Variants in DYRK1A observed in about 807,000 individuals in gnomAD.
The protein encoded by DYRK1A is dual specificity tyrosine phosphorylation regulated kinase 1A, also known as dual specificity tyrosine-phosphorylation-regulated kinase 1A.
In DYRK1A, 9 loss-of-function variants were observed where a neutral mutation model predicts 79.7. The observed-to-expected ratio is 0.11, with a 90% CI of 0.07 to 0.20. DYRK1A has a LOEUF of 0.20. DYRK1A is among the 10% of genes least tolerant of loss of function. The probability of loss-of-function intolerance (pLI) is 1.00; values close to 1 mark genes in which losing one functional copy is unlikely to be tolerated. For missense variants in DYRK1A, 622 were observed against 956.0 expected (o/e 0.65, Z 4.61); for synonymous variants, 349 against 329.7 (o/e 1.06, Z -0.63).
At chr21:37,478,988 C>CT (rs933636991) in intron 4 of DYRK1A, among the ~76,000 whole-genome samples, 1 of 152,210 alleles carries the variant, frequency 6.6e-6, no homozygotes, top group Non-Finnish European at 1.5e-5. Context: ...GGCTTCAACT[C>CT]TGTCTCCAAA....
chr21:37,469,095 A>G (rs1161792516), intron 2 of DYRK1A, among the ~76,000 whole-genome samples: 4 of 152,252 alleles, frequency 2.6e-5, no homozygotes, highest in African/African-American at 9.6e-5. Context: ...ATGCAAATTA[A>G]AAACCACATT....
chr21:37,499,131 T>C (rs1007044793), intron 9 of DYRK1A, among the ~76,000 whole-genome samples: 1 of 152,218 alleles, frequency 6.6e-6, no homozygotes, highest in African/African-American at 2.4e-5. Flanking sequence ...AAGTTGTATT[T>C]GTCAACTTTT....
rs78414939 is a variant in DYRK1A at position 37,460,893 on chromosome 21, G to A, written c.11-11791G>A. Among the ~76,000 whole-genome samples, 1,379 of 152,140 alleles carry A rather than the reference G, an allele frequency of 9.1e-3. 19 individuals carry two copies. Among genetic ancestry groups the A allele is most frequent in the African/African-American group, 0.032 (1,323 of 41,496 alleles). On this transcript the variant is annotated intron_variant, in intron 2 of 11. Transcript: ENST00000647188. Reference sequence around the variant, plus strand: ...AAATATAAATTTACCCATATTATATGTTATCCTCTGTACAATATGATAATT... The same window carrying A: ...AAATATAAATTTACCCATATTATATATTATCCTCTGTACAATATGATAATT...
At chr21:37,506,967 T>G (rs1330429851) in intron 11 of DYRK1A, among the ~76,000 whole-genome samples, 1 of 152,222 alleles carries the variant, frequency 6.6e-6, no homozygotes, top group African/African-American at 2.4e-5. Flanking sequence ...CTGTTAATAC[T>G]CACCAACCTC....
chr21:37,478,201 G>A lies in DYRK1A; in HGVS notation c.208-7G>A. The A allele has an allele frequency of 1.2e-6, 2 of 1,614,076 alleles. No individual in the cohort carries two copies. Among genetic ancestry groups the A allele is most frequent in the East Asian group, 4.5e-5 (2 of 44,870 alleles). On this transcript the variant is annotated splice_region_variant and splice_polypyrimidine_tract_variant and intron_variant, in intron 3 of 11. Transcript: ENST00000647188. ...TTAAGGTGATGCCTGATATTGTCAT[G>A]TTACAGAGGCGGATGCCCCAAACCT...
In DYRK1A at chr21:37,458,304, G is replaced by GTGTGTGTGTGTGTA. The variant is rs1366699533; in HGVS notation, c.11-14377_11-14376insGTGTGTGTGTATGT. Reference sequence around the variant, plus strand: ...TGTGTGTGTGTGTGTGTGTGTGTGTGTGTACATATACATATGTATTATATT... The same window carrying GTGTGTGTGTGTGTA: ...TGTGTGTGTGTGTGTGTGTGTGTGTGTGTGTGTGTGTGTATGTACATATACATATGTATTATATT... On this transcript the variant is annotated intron_variant, in intron 2 of 11. Transcript: ENST00000647188. Among the ~76,000 whole-genome samples, 283 of 150,762 alleles carry GTGTGTGTGTGTGTA rather than the reference G, an allele frequency of 1.9e-3. 1 individual carries two copies. The highest frequency in any genetic ancestry group is 6.9e-3 in the Middle Eastern group (2 of 290).
intron 9 of DYRK1A, among the ~76,000 whole-genome samples, chr21:37,497,019 A>G (rs546525750): frequency 3.9e-5 from 6 of 152,210 alleles, no homozygotes; most frequent in Non-Finnish European, 8.8e-5. Flanking sequence ...AATGTAATGT[A>G]TAAATATGTG....
chr21:37,409,712 G>C (rs1368618315), intron 1 of DYRK1A, among the ~76,000 whole-genome samples: 3 of 152,034 alleles, frequency 2.0e-5, no homozygotes, highest in Non-Finnish European at 2.9e-5. Flanking sequence ...GAATTTTATT[G>C]GCCAAAGATA....
chr21:37,454,790 A>G (rs2051580329), intron 2 of DYRK1A, among the ~76,000 whole-genome samples: 1 of 152,162 alleles, frequency 6.6e-6, no homozygotes, highest in Non-Finnish European at 1.5e-5. Flanking sequence ...GGAAAACCAG[A>G]TGACTTAAAG....
chr21:37,499,017 G>A (rs148707707), intron 9 of DYRK1A, among the ~76,000 whole-genome samples: 1,549 of 152,158 alleles, frequency 0.01, 23 homozygotes, highest in African/African-American at 0.034. Context: ...TTGTCATTAA[G>A]TTTTTTGTCA....
chr21:37,461,985 T>G (rs1310748391), intron 2 of DYRK1A, among the ~76,000 whole-genome samples: 4 of 152,166 alleles, frequency 2.6e-5, no homozygotes, highest in African/African-American at 7.2e-5. Flanking sequence ...AATTTTTCAT[T>G]TGAGTTATTT....
intron 4 of DYRK1A, among the ~76,000 whole-genome samples, chr21:37,480,114 AT>A (rs936046844): frequency 6.6e-6 from 1 of 152,196 alleles, no homozygotes; most frequent in African/African-American, 2.4e-5. Context: ...ATCTGAACTT[AT>A]TTTAAAAATA....
chr21:37,496,059 GAGC>G, intron 8 of DYRK1A, 56 bp from the exon 9 acceptor site: 1 of 1,522,940 alleles, frequency 6.6e-7, no homozygotes. Flanking sequence ...ATGACTTGAT[GAGC>G]AGGAGTAGAT....
At chr21:37,424,920 G>A (rs929950028) in intron 2 of DYRK1A, among the ~76,000 whole-genome samples, 5 of 152,044 alleles carry the variant, frequency 3.3e-5, no homozygotes, top group African/African-American at 9.7e-5. Context: ...TCAGCATTGA[G>A]TATTATAGTT....
intron 8 of DYRK1A, among the ~76,000 whole-genome samples, chr21:37,495,594 C>A (rs1266159830): frequency 6.6e-6 from 1 of 151,914 alleles, no homozygotes; most frequent in Admixed American, 6.6e-5. Context: ...ATTGCGCCAC[C>A]GCACTTCAGC....
chr21:37,508,875 A>G (rs1053076031), intron 11 of DYRK1A, among the ~76,000 whole-genome samples: 4 of 152,144 alleles, frequency 2.6e-5, no homozygotes, highest in Non-Finnish European at 4.4e-5. Context: ...CACTACTCCC[A>G]GGGGCTCTCT....
intron 2 of DYRK1A, among the ~76,000 whole-genome samples, chr21:37,458,331 T>A (rs1357570281): frequency 1.3e-5 from 2 of 151,330 alleles, no homozygotes; most frequent in Non-Finnish European, 3.0e-5. Flanking sequence ...TATTATATTT[T>A]AAAAATTTTA....
intron 2 of DYRK1A, among the ~76,000 whole-genome samples, chr21:37,433,202 A>T (rs537902495): frequency 6.6e-6 from 1 of 152,276 alleles, no homozygotes; most frequent in East Asian, 1.9e-4. Flanking sequence ...ACTGATGCTA[A>T]GCTAAACATT....
chr21:37,376,911 G>A (rs553064159), intron 1 of DYRK1A, among the ~76,000 whole-genome samples: 3 of 152,112 alleles, frequency 2.0e-5, no homozygotes, highest in Admixed American at 2.0e-4. Context: ...TTTCCTACCA[G>A]AAATGTATGC....
Sources: allele counts gnomAD v4.1 joint callset (sites outside exome capture counted in the v4.1 genomes callset), GRCh38; gene constraint gnomAD v4.1.1; transcripts MANE v1.5; gene names NCBI Gene and HGNC (gene_info 2026-07-23, HGNC 2026-07-21).